Variants in LAMA2 observed in about 807,000 individuals in gnomAD.
LAMA2 encodes laminin subunit alpha-2.
Under a neutral mutation model 364.8 loss-of-function variants are expected in LAMA2, and 269 were observed. The observed-to-expected ratio is 0.74, with a 90% CI of 0.67 to 0.82. The LOEUF is 0.82. Among genes scored for constraint, LAMA2 ranks in the 40% least tolerant of loss-of-function variants. LAMA2 has a pLI of 0.00. For synonymous variants in LAMA2, 1,379 were observed against 1,370.6 expected (o/e 1.01, Z -0.14); for missense variants, 3,807 against 3,873.2 (o/e 0.98, Z 0.45).
chr6:129,266,287 A>C (rs1787507630), intron 15 of LAMA2, among the ~76,000 whole-genome samples: 1 of 152,116 alleles, frequency 6.6e-6, no homozygotes, highest in Admixed American at 6.6e-5. Flanking sequence ...TGGAAAACTT[A>C]ATTAAGGATG....
rs1329039729 is a variant in LAMA2, at chr6:129,200,331, C to CATGTGTGTAT, written c.1782+7480_1782+7481insGTGTGTATAT. Reference sequence around the variant, plus strand: ...GTATATATATACGTGTACACATATACATATACACGTATATGTGTACACATA... The same window carrying CATGTGTGTAT: ...GTATATATATACGTGTACACATATACATGTGTGTATATATACACGTATATGTGTACACATA... On this transcript the variant is annotated intron_variant, in intron 12 of 64. Coordinates refer to ENST00000421865, the MANE Select transcript of LAMA2 (RefSeq NM_000426.4). Among the ~76,000 whole-genome samples, 18 of 141,376 alleles carry CATGTGTGTAT rather than the reference C, an allele frequency of 1.3e-4. 4 individuals carry two copies. Among genetic ancestry groups the CATGTGTGTAT allele is most frequent in the Admixed American group, 1.0e-3 (15 of 14,290 alleles). The allele number at this position is 141,376 out of a possible 152,430, so 92.7% of individuals were successfully genotyped here.
At chr6:129,013,222 T>TGGCTAC (rs1784867955) in intron 1 of LAMA2, among the ~76,000 whole-genome samples, 1 of 151,754 alleles carries the variant, frequency 6.6e-6, no homozygotes, top group Non-Finnish European at 1.5e-5. Flanking sequence ...GATCACGAGG[T>TGGCTAC]CAGGAGATCG....
chr6:129,078,313 T>C (rs1011907956), intron 3 of LAMA2, among the ~76,000 whole-genome samples: 1 of 151,972 alleles, frequency 6.6e-6, no homozygotes, highest in African/African-American at 2.4e-5. Flanking sequence ...TTTTGTGTTT[T>C]TAGTAGAGAC....
chr6:129,328,537 T>C, intron 29 of LAMA2, 125 bp downstream of exon 29: 1 of 1,470,878 alleles, frequency 6.8e-7, no homozygotes, highest in South Asian at 1.2e-5. Flanking sequence ...AAATAAAATA[T>C]GTAAGGGAAA....
chr6:129,102,323 G>A (rs899383419), intron 4 of LAMA2, among the ~76,000 whole-genome samples: 3 of 151,636 alleles, frequency 2.0e-5, no homozygotes, highest in East Asian at 1.9e-4. Flanking sequence ...TTTCAGTACA[G>A]ACAGGGTTTC....
At chr6:129,151,661 G>A (rs1745658134) in intron 7 of LAMA2, among the ~76,000 whole-genome samples, 1 of 152,202 alleles carries the variant, frequency 6.6e-6, no homozygotes, top group South Asian at 2.1e-4. Context: ...GAGGGAGCAG[G>A]CACATCTTAC....
rs774910490 is a variant in LAMA2, at chr6:129,282,048, AT to A, written c.2537+1903del. The stretch of plus-strand genomic sequence containing the variant: ...CATTAAAAATCTTGTAATCAAAACC[AT>A]TCTGTAAGTGATTTGTGTGATCAGC... On this transcript the variant is annotated intron_variant, in intron 18 of 64. Transcript: ENST00000421865. 7.9e-5 allele frequency among the ~76,000 whole-genome samples: 12 copies of A among 152,288 alleles called. 1 individual carries two copies. Among genetic ancestry groups the A allele is most frequent in the South Asian group, 4.1e-4 (2 of 4,822 alleles).
intron 2 of LAMA2, among the ~76,000 whole-genome samples, chr6:129,054,998 G>A (rs943530274): frequency 1.1e-4 from 17 of 150,144 alleles, no homozygotes; most frequent in Admixed American, 4.0e-4. Flanking sequence ...CTTTTGTCTC[G>A]TGGAAGATAA....
chr6:129,209,054 T>A (rs1162912267), intron 12 of LAMA2, among the ~76,000 whole-genome samples: 1 of 152,108 alleles, frequency 6.6e-6, no homozygotes, highest in Admixed American at 6.6e-5. Flanking sequence ...GACAAAAAGC[T>A]TTGCAAGCCA....
chr6:128,969,017 G>A (rs909673850), intron 1 of LAMA2, among the ~76,000 whole-genome samples: 1 of 152,092 alleles, frequency 6.6e-6, no homozygotes, highest in South Asian at 2.1e-4. Context: ...GGTAGGTTCG[G>A]TTTCTATAAT....
At chr6:129,013,412 G>C (rs1440276072) in intron 1 of LAMA2, among the ~76,000 whole-genome samples, 1 of 152,010 alleles carries the variant, frequency 6.6e-6, no homozygotes, top group Non-Finnish European at 1.5e-5. Flanking sequence ...AGTCCGGCCT[G>C]GGCGAAAGAG....
At chr6:129,461,924 A>G (rs1783273539) in intron 49 of LAMA2, among the ~76,000 whole-genome samples, 1 of 152,006 alleles carries the variant, frequency 6.6e-6, no homozygotes, top group African/African-American at 2.4e-5. Flanking sequence ...CAGGCATAAT[A>G]AAAGTCCCTT....
At chr6:129,354,779 C>T (rs908588047) in intron 32 of LAMA2, among the ~76,000 whole-genome samples, 3 of 152,128 alleles carry the variant, frequency 2.0e-5, no homozygotes, top group Admixed American at 6.5e-5. Flanking sequence ...AGAGAATTGG[C>T]ATTCTGCCCA....
At chr6:129,186,750 C>T (rs1349634855) in intron 10 of LAMA2, among the ~76,000 whole-genome samples, 1 of 151,580 alleles carries the variant, frequency 6.6e-6, no homozygotes, top group Non-Finnish European at 1.5e-5. Flanking sequence ...GATTTTCTTC[C>T]ACCTTGTAAT....
In LAMA2 at chr6:129,188,582, C is replaced by T. The variant is rs576323743; in HGVS notation, c.1468-1623C>T. On this transcript the variant is annotated intron_variant, in intron 10 of 64. Coordinates refer to ENST00000421865, the MANE Select transcript of LAMA2 (RefSeq NM_000426.4). ...TTTGAAGATGCTCTCAACTTCAGTG[C>T]TTTGGGGATTTATTTGTCACTGTAA... 2.4e-4 allele frequency among the ~76,000 whole-genome samples: 37 copies of T among 151,966 alleles called. 1 individual carries two copies. In the South Asian group the frequency reaches 3.9e-3, roughly 16 times the overall value.
At chr6:129,437,107 C>A (rs1403804157) in intron 41 of LAMA2, 1 of 151,966 alleles carries the variant, frequency 6.6e-6, no homozygotes, top group Non-Finnish European at 1.5e-5. Flanking sequence ...GCATTGCTAC[C>A]CAAAATGCTC....
At position 129,443,019 on chromosome 6, in the gene LAMA2, T is replaced by G. The variant is rs928148321; in HGVS notation, c.6269-44T>G. 4 of 1,482,500 alleles carry G rather than the reference T, an allele frequency of 2.7e-6. No individual in the cohort carries two copies. In the African/African-American group the frequency reaches 4.2e-5, roughly 16 times the overall value. 91.8% of individuals were successfully genotyped at this position (1,482,500 alleles called of 1,614,324 possible). A position where few individuals can be genotyped will look rare whatever the true frequency, so the allele number is the denominator to read the frequency against. ...TTATAGAAAATACTTCCTCATGAAT[T>G]TATAATTTTTTTTTGTTTTGCTTCC... On this transcript the variant is annotated intron_variant, in intron 43 of 64. Transcript: ENST00000421865.
At chr6:128,934,181 T>C (rs1207373983) in intron 1 of LAMA2, among the ~76,000 whole-genome samples, 2 of 152,228 alleles carry the variant, frequency 1.3e-5, no homozygotes, top group African/African-American at 4.8e-5. Flanking sequence ...CAATACAGTT[T>C]ATTGAAAAGA....
chr6:129,261,336 T>C (rs1220631826), intron 15 of LAMA2, among the ~76,000 whole-genome samples: 1 of 152,104 alleles, frequency 6.6e-6, no homozygotes, highest in African/African-American at 2.4e-5. Flanking sequence ...GAAAACTGCC[T>C]ACAGGTCTTT....
Sources: allele counts gnomAD v4.1 joint callset (sites outside exome capture counted in the v4.1 genomes callset), GRCh38; gene constraint gnomAD v4.1.1; transcripts MANE v1.5; gene names NCBI Gene and HGNC (gene_info 2026-07-23, HGNC 2026-07-21).